The following HECW2 variants were observed in gnomAD, a reference collection of about 807,000 sequenced individuals.
HECW2 encodes the protein HECT, C2 and WW domain containing E3 ubiquitin protein ligase 2.
A neutral mutation model predicts 175.2 loss-of-function variants in HECW2; 61 were observed. That is an observed-to-expected ratio of 0.35 (90% CI 0.28 to 0.43). The LOEUF (loss-of-function observed/expected upper bound fraction) is 0.43. Among genes scored for constraint, HECW2 ranks in the 20% least tolerant of loss-of-function variants. The pLI is 1.00. For synonymous variants in HECW2, 671 were observed against 731.0 expected (o/e 0.92, Z 1.32); for missense variants, 1,524 against 2,000.5 (o/e 0.76, Z 4.54).
At chr2:196,539,542 G>A (rs1575652345) in intron 1 of HECW2, among the ~76,000 whole-genome samples, 1 of 152,286 alleles carries the variant, frequency 6.6e-6, no homozygotes, top group Non-Finnish European at 1.5e-5. Flanking sequence ...GGCTGAGGCA[G>A]GAGAATGGTG....
In HECW2 at chr2:196,329,653, G is replaced by GA; in HGVS notation, c.496-4dup. The GA allele has an allele frequency of 1.2e-6, 2 of 1,612,864 alleles. No homozygotes were observed. Among genetic ancestry groups the GA allele is most frequent in the Non-Finnish European group, 1.7e-6 (2 of 1,179,186 alleles). On this transcript the variant is annotated splice_region_variant and splice_polypyrimidine_tract_variant and intron_variant, in intron 4 of 28. Transcript: ENST00000644978. Reference sequence around the variant, plus strand: ...CCCTCCATGCCTTCTGCCCCCATCTGAAAAGAAAAAACATGCATCTGAAGT... The same window carrying GA: ...CCCTCCATGCCTTCTGCCCCCATCTGAAAAAGAAAAAACATGCATCTGAAGT...
intron 1 of HECW2, among the ~76,000 whole-genome samples, chr2:196,464,256 T>C (rs530730442): frequency 6.6e-6 from 1 of 152,284 alleles, no homozygotes; most frequent in South Asian, 2.1e-4. Context: ...CCTTTAAACA[T>C]ACCCCAGAAT....
intron 2 of HECW2, among the ~76,000 whole-genome samples, chr2:196,370,591 G>A (rs1250789246): frequency 6.6e-6 from 1 of 152,106 alleles, no homozygotes; most frequent in Non-Finnish European, 1.5e-5. Flanking sequence ...ACAGCACCAG[G>A]ACTTGCCCAG....
chr2:196,218,341 G>C (rs1446945057), intron 26 of HECW2: 1 of 152,170 alleles, frequency 6.6e-6, no homozygotes, highest in Non-Finnish European at 1.5e-5. Flanking sequence ...GTGCCAAGTA[G>C]CTGGGTGAGC....
chr2:196,398,750 G>A (rs1363519824), intron 2 of HECW2, among the ~76,000 whole-genome samples: 2 of 152,190 alleles, frequency 1.3e-5, no homozygotes, highest in Non-Finnish European at 2.9e-5. Flanking sequence ...TCCCCAGTGA[G>A]AGCAAAAGAC....
intron 19 of HECW2, among the ~76,000 whole-genome samples, chr2:196,249,950 TTTA>T (rs1167584793): frequency 6.6e-6 from 1 of 152,234 alleles, no homozygotes; most frequent in Non-Finnish European, 1.5e-5. Flanking sequence ...TAGAATGGAT[TTTA>T]TTGTCACCAA....
chr2:196,273,866 T>C (rs1689839507), intron 16 of HECW2, among the ~76,000 whole-genome samples, 155 bp downstream of exon 16: 1 of 152,204 alleles, frequency 6.6e-6, no homozygotes, highest in South Asian at 2.1e-4. Context: ...CTCAAGTCTG[T>C]AGGATTTTGT....
chr2:196,378,758 A>C (rs1694119627), intron 2 of HECW2, among the ~76,000 whole-genome samples: 1 of 152,256 alleles, frequency 6.6e-6, no homozygotes. Flanking sequence ...TAAGATAATT[A>C]CAAAATTCAT....
At chr2:196,292,998 A>T (rs1046933565) in intron 13 of HECW2, among the ~76,000 whole-genome samples, 1 of 151,834 alleles carries the variant, frequency 6.6e-6, no homozygotes, top group African/African-American at 2.4e-5. Context: ...TTTAACTTTT[A>T]TTTGTATTTG....
intron 1 of HECW2, among the ~76,000 whole-genome samples, chr2:196,582,052 T>G (rs183085577): frequency 7.1e-6 from 1 of 141,820 alleles, no homozygotes; most frequent in Admixed American, 6.7e-5. Context: ...GGTGACATAG[T>G]GAGACTCCAT....
At chr2:196,271,033 CACT>C (rs1689715277) in intron 17 of HECW2, among the ~76,000 whole-genome samples, 157 bp downstream of exon 17, 1 of 152,100 alleles carries the variant, frequency 6.6e-6, no homozygotes, top group African/African-American at 2.4e-5. Context: ...GAGAAGCCAG[CACT>C]ACAATACCTG....
intron 28 of HECW2, among the ~76,000 whole-genome samples, chr2:196,202,234 C>G (rs968290795): frequency 6.6e-6 from 1 of 152,066 alleles, no homozygotes; most frequent in Admixed American, 6.6e-5. Flanking sequence ...AAAAAATACT[C>G]CTGAATAAGA....
intron 2 of HECW2, among the ~76,000 whole-genome samples, chr2:196,430,796 A>G (rs1481986176): frequency 6.6e-6 from 1 of 152,198 alleles, no homozygotes. Flanking sequence ...GGGGCCTTGC[A>G]GAACAACATG....
intron 1 of HECW2, among the ~76,000 whole-genome samples, chr2:196,575,759 G>A (rs538975336): frequency 4.5e-4 from 69 of 152,288 alleles, no homozygotes; most frequent in African/African-American, 1.5e-3. Context: ...GGCTTCTGGT[G>A]AGGTCTCAGG....
rs138737570 is a variant in HECW2 at position 196,583,078 on chromosome 2, A to G, written c.-36+10430T>C. ...TTCAGGGAGTTAGAAGTTGTGTCCA[A>G]TCATAAAGTGATCTCTTGGTTTAGG... On this transcript the variant is annotated intron_variant, in intron 1 of 28. Transcript: ENST00000644978. Among the ~76,000 whole-genome samples, 20 of 152,294 alleles carry G rather than the reference A, an allele frequency of 1.3e-4. 1 individual carries two copies. In the East Asian group the frequency reaches 3.9e-3, roughly 29 times the overall value.
chr2:196,544,012 C>T (rs549042437), intron 1 of HECW2, among the ~76,000 whole-genome samples: 1 of 152,290 alleles, frequency 6.6e-6, no homozygotes, highest in African/African-American at 2.4e-5. Context: ...ATCAGGCAGT[C>T]CCATGTTTCC....
intron 1 of HECW2, among the ~76,000 whole-genome samples, chr2:196,522,302 T>C (rs1688430328): frequency 6.6e-6 from 1 of 152,246 alleles, no homozygotes; most frequent in African/African-American, 2.4e-5. Flanking sequence ...TGTCTGTTCA[T>C]GTCCTTGCCC....
intron 1 of HECW2, among the ~76,000 whole-genome samples, chr2:196,450,714 CA>C (rs1018460716): frequency 1.2e-4 from 19 of 152,144 alleles, no homozygotes; most frequent in Admixed American, 9.8e-4. Flanking sequence ...CTCCTGACCT[CA>C]GGTGATCCAC....
chr2:196,247,145 G>C (rs1688676922), intron 19 of HECW2, among the ~76,000 whole-genome samples: 1 of 152,078 alleles, frequency 6.6e-6, no homozygotes, highest in South Asian at 2.1e-4. Flanking sequence ...CAGCTACTTG[G>C]GGGGCTGAGG....
Sources: allele counts gnomAD v4.1 joint callset (sites outside exome capture counted in the v4.1 genomes callset), GRCh38; gene constraint gnomAD v4.1.1; transcripts MANE v1.5; gene names NCBI Gene and HGNC (gene_info 2026-07-23, HGNC 2026-07-21).